The following STRBP variants were observed in gnomAD, a reference collection of about 807,000 sequenced individuals.
The protein encoded by STRBP is spermatid perinuclear RNA binding protein.
Under a neutral mutation model 80.1 loss-of-function variants are expected in STRBP, and 13 were observed. That is an observed-to-expected ratio of 0.16 (90% CI 0.11 to 0.26). The LOEUF (loss-of-function observed/expected upper bound fraction) is 0.26. Ranked by LOEUF, STRBP falls within the 10% of genes least tolerant of loss-of-function variation. The pLI is 1.00. For synonymous variants in STRBP, 284 were observed against 291.2 expected, an observed-to-expected ratio of 0.98 and a Z score of 0.25; for missense variants, 485 against 815.2, an observed-to-expected ratio of 0.59 and a Z score of 4.93.
intron 11 of STRBP, among the ~76,000 whole-genome samples, chr9:123,148,648 A>G (rs1245390938): frequency 6.6e-6 from 1 of 152,254 alleles, no homozygotes; most frequent in Non-Finnish European, 1.5e-5. Context: ...AAATCTGATT[A>G]TCCAACTATA....
chr9:123,259,354 TAA>T lies in STRBP; in HGVS notation c.-302+9080_-302+9081del, dbSNP rs1270123039. 2.0e-5 allele frequency among the ~76,000 whole-genome samples: 3 copies of T among 152,044 alleles called. No individual in the cohort carries two copies. In the East Asian group the frequency reaches 5.8e-4, roughly 29 times the overall value. ...CAATTTGAAATAAGGATAGAAGATA[TAA>T]GAGATGTCAGGTAGGCAGTAGCATA... is the stretch of plus-strand genomic sequence containing the variant. On this transcript the variant is annotated intron_variant, in intron 1 of 18. Transcript: ENST00000348403.
chr9:123,210,572 C>T (rs1373957201), intron 2 of STRBP, among the ~76,000 whole-genome samples: 2 of 152,230 alleles, frequency 1.3e-5, no homozygotes, highest in African/African-American at 4.8e-5. Context: ...GTGGCTCACG[C>T]CTGTAATCCC....
In STRBP at chr9:123,170,189, C is replaced by T. The variant is rs551689754; in HGVS notation, c.391-143G>A. On this transcript the variant is annotated intron_variant, in intron 5 of 18. Coordinates refer to ENST00000348403, the MANE Select transcript of STRBP (RefSeq NM_018387.5). ...GGGCAAAGAAAGCCTGTAACTAGTT[C>T]TTTACTGGGGATAACACTTTTCTCT... 5.3e-5 allele frequency: 37 copies of T among 693,756 alleles called. No individual in the cohort carries two copies. The Middle Eastern group carries it at 1.3e-3, about 24-fold the overall frequency. 43.0% of individuals were successfully genotyped at this position (693,756 alleles called of 1,614,324 possible).
chr9:123,125,482 T>C lies in STRBP; in HGVS notation c.*115A>G. ...ATCAAAAAGTAGGAAAGATGTTCTTTACAAATAATTTTGATCAAGTATGTG... is the reference window on the plus strand; with the variant it reads ...ATCAAAAAGTAGGAAAGATGTTCTTCACAAATAATTTTGATCAAGTATGTG... On this transcript the variant is annotated 3_prime_UTR_variant, in exon 19 of 19. Transcript: ENST00000348403. The C allele has an allele frequency of 7.6e-7, 1 of 1,318,934 alleles. No homozygotes were observed. The highest frequency in any genetic ancestry group is 9.7e-7 in the Non-Finnish European group (1 of 1,026,522). 81.7% of individuals were successfully genotyped at this position (1,318,934 alleles called of 1,614,324 possible).
chr9:123,203,633 G>A (rs760636087), intron 2 of STRBP, among the ~76,000 whole-genome samples: 1 of 151,948 alleles, frequency 6.6e-6, no homozygotes, highest in Non-Finnish European at 1.5e-5. Flanking sequence ...TTAGGTGTCT[G>A]CTCAAATGTC....
chr9:123,142,545 G>A (rs1407844130), intron 13 of STRBP, among the ~76,000 whole-genome samples: 2 of 152,270 alleles, frequency 1.3e-5, no homozygotes, highest in East Asian at 3.9e-4. Flanking sequence ...GGCCTGCTCT[G>A]AGCAAGAATC....
chr9:123,125,736 G>T, intron 18 of STRBP, 63 bp from the exon 19 acceptor site: 1 of 1,318,226 alleles, frequency 7.6e-7, no homozygotes, highest in Non-Finnish European at 1.1e-6. Context: ...AAAATTTCAG[G>T]TAAAAAAATA....
At chr9:123,230,956 G>A (rs2040381362) in intron 2 of STRBP, among the ~76,000 whole-genome samples, 1 of 152,128 alleles carries the variant, frequency 6.6e-6, no homozygotes, top group African/African-American at 2.4e-5. Flanking sequence ...GAGTTCTAAA[G>A]CAATTACAAA....
chr9:123,204,765 A>G (rs2039453019), intron 2 of STRBP, among the ~76,000 whole-genome samples: 1 of 148,196 alleles, frequency 6.7e-6, no homozygotes, highest in African/African-American at 2.5e-5. Context: ...AAAATACAGA[A>G]AAAAAAAAAT....
At chr9:123,205,608 C>T (rs2039486808) in intron 2 of STRBP, among the ~76,000 whole-genome samples, 1 of 152,054 alleles carries the variant, frequency 6.6e-6, no homozygotes, top group Admixed American at 6.6e-5. Flanking sequence ...AGGTTTTAAC[C>T]TACAAAAAGA....
intron 1 of STRBP, among the ~76,000 whole-genome samples, chr9:123,258,800 CAAAAA>C (rs56654612): frequency 3.0e-5 from 3 of 101,118 alleles, no homozygotes; most frequent in Admixed American, 1.9e-4. Context: ...GACTCCGTCT[CAAAAA>C]AAAAAAAAAA....
intron 2 of STRBP, among the ~76,000 whole-genome samples, chr9:123,192,728 T>TTTAC (rs2038966392): frequency 1.3e-5 from 2 of 152,172 alleles, no homozygotes; most frequent in South Asian, 4.1e-4. Context: ...GTAAAGTTGT[T>TTTAC]TTACTATGTT....
intron 2 of STRBP, among the ~76,000 whole-genome samples, chr9:123,201,558 T>C (rs1424405860): frequency 6.6e-6 from 1 of 152,218 alleles, no homozygotes; most frequent in Admixed American, 6.5e-5. Flanking sequence ...ACAGTACTTC[T>C]TTGACTAGTA....
rs2037418438 is a variant in STRBP, at chr9:123,159,224, T to A, written c.724-17A>T. On this transcript the variant is annotated splice_polypyrimidine_tract_variant and intron_variant, in intron 8 of 18. Coordinates refer to ENST00000348403, the MANE Select transcript of STRBP (RefSeq NM_018387.5). The stretch of plus-strand genomic sequence containing the variant: ...TTCTAGTGGCTAGAAGATATTAAAT[T>A]ACAAATTAGTACATGCACCAAGTGT... The A allele has an allele frequency of 6.6e-7, 1 of 1,520,878 alleles. No individual in the cohort carries two copies. The highest frequency in any genetic ancestry group is 1.7e-5 in the Admixed American group (1 of 59,640). 94.2% of individuals were successfully genotyped at this position (1,520,878 alleles called of 1,614,324 possible).
At chr9:123,259,402 C>G (rs575470568) in intron 1 of STRBP, among the ~76,000 whole-genome samples, 2 of 152,236 alleles carry the variant, frequency 1.3e-5, no homozygotes, top group South Asian at 4.1e-4. Flanking sequence ...GAGTTCCAGG[C>G]TAGAGATAAA....
chr9:123,170,115 T>C, intron 5 of STRBP, 69 bp from the exon 6 acceptor site: 1 of 1,450,222 alleles, frequency 6.9e-7, no homozygotes, highest in Non-Finnish European at 9.3e-7. Flanking sequence ...AAAAAAACAA[T>C]GCTTGTACTA....
At chr9:123,167,472 C>A (rs1052033875) in intron 6 of STRBP, among the ~76,000 whole-genome samples, 1 of 151,918 alleles carries the variant, frequency 6.6e-6, no homozygotes, top group Admixed American at 6.6e-5. Context: ...GTCTGAAGTG[C>A]GTAATTATAG....
intron 6 of STRBP, among the ~76,000 whole-genome samples, chr9:123,165,142 G>A (rs950059874): frequency 2.6e-5 from 4 of 152,052 alleles, no homozygotes; most frequent in Non-Finnish European, 5.9e-5. Context: ...TTAGCTGGGT[G>A]TGGTGGCCAG....
In STRBP at chr9:123,135,241, TATA is replaced by T. The variant is rs886121698; in HGVS notation, c.1773+797_1773+799del. ...CATAGCATACATAATGGAATCTAAA[TATA>T]ATGTTTAATGTAGAATTAAACAATC... On this transcript the variant is annotated intron_variant, in intron 16 of 18. Coordinates refer to ENST00000348403, the MANE Select transcript of STRBP (RefSeq NM_018387.5). Among the ~76,000 whole-genome samples the T allele has an allele frequency of 3.7e-4, 57 of 152,334 alleles. 1 individual carries two copies. Among genetic ancestry groups the T allele is most frequent in the African/African-American group, 1.2e-3 (51 of 41,576 alleles).
Sources: allele counts gnomAD v4.1 joint callset (sites outside exome capture counted in the v4.1 genomes callset), GRCh38; gene constraint gnomAD v4.1.1; transcripts MANE v1.5; gene names NCBI Gene and HGNC (gene_info 2026-07-23, HGNC 2026-07-21).